The following FGFR2 variants were observed in gnomAD, a reference collection of about 807,000 sequenced individuals.
FGFR2 encodes BEK fibroblast growth factor receptor.
In FGFR2, 19 loss-of-function variants were observed where a neutral mutation model predicts 95.9. The observed-to-expected ratio is 0.20, with a 90% CI of 0.14 to 0.29. The LOEUF is 0.29. Among genes scored for constraint, FGFR2 ranks in the 10% least tolerant of loss-of-function variants. FGFR2 has a pLI of 1.00. For synonymous variants in FGFR2, 392 were observed against 393.3 expected, an observed-to-expected ratio of 1.00 and a Z score of 0.04; for missense variants, 707 against 1,056.9, an observed-to-expected ratio of 0.67 and a Z score of 4.59.
At position 121,590,962 on chromosome 10, in the gene FGFR2, G is replaced by GGCACGCAC. The variant is rs569281100; in HGVS notation, c.109+2739_109+2746dup. 1.5e-3 allele frequency among the ~76,000 whole-genome samples: 226 copies of GGCACGCAC among 152,134 alleles called. 2 individuals carry two copies. In the East Asian group the frequency reaches 0.032, roughly 21 times the overall value. On this transcript the variant is annotated intron_variant, in intron 2 of 17. Transcript: ENST00000358487. ...TGGAGAACTGATGGACAGGGGCACAGGCACGCACGCACGCACGCGCACTCG... is the reference window on the plus strand; with the variant it reads ...TGGAGAACTGATGGACAGGGGCACAGGCACGCACGCACGCACGCACGCACGCGCACTCG...
At position 121,485,754 on chromosome 10, in the gene FGFR2, G is replaced by A. The variant is rs1013444959; in HGVS notation, c.2058-222C>T. 1.3e-5 allele frequency among the ~76,000 whole-genome samples: 2 copies of A among 152,202 alleles called. No individual in the cohort carries two copies. The highest frequency in any genetic ancestry group is 2.9e-5 in the Non-Finnish European group (2 of 68,048). ...GAATTTTCCATCAATAGACAAAAAG[G>A]CAAACTGCCATCACTCTGGAATAGA... On this transcript the variant is annotated intron_variant, in intron 15 of 17. Coordinates refer to ENST00000358487, the MANE Select transcript of FGFR2 (RefSeq NM_000141.5). The surrounding 1 kb of genome is among the most constrained non-coding windows in gnomAD (Gnocchi z 4.2).
chr10:121,577,388 C>T (rs757711441), intron 2 of FGFR2, among the ~76,000 whole-genome samples: 2 of 151,684 alleles, frequency 1.3e-5, no homozygotes, highest in African/African-American at 2.4e-5. Context: ...CCTCACTCCT[C>T]CGCTAAACAG....
intron 4 of FGFR2, 45 bp downstream of exon 4, chr10:121,564,457 C>T (rs2135084732): frequency 6.4e-7 from 1 of 1,560,212 alleles, no homozygotes; most frequent in Non-Finnish European, 8.8e-7. Context: ...GAACTTCCCT[C>T]CATGCTCCTC....
intron 2 of FGFR2, among the ~76,000 whole-genome samples, chr10:121,579,812 T>C (rs1860543124): frequency 6.6e-6 from 1 of 152,126 alleles, no homozygotes. Context: ...TCCACAGAGC[T>C]AAGGGCCTGC....
Position 121,531,484 on chromosome 10 carries a change from GGACTGAC to G in FGFR2, c.748+7101_748+7107del, listed in dbSNP as rs2134478781. Among the ~76,000 whole-genome samples, 1 of 152,284 alleles carries G rather than the reference GGACTGAC, an allele frequency of 6.6e-6. No individual in the cohort carries two copies. The highest frequency in any genetic ancestry group is 6.5e-5 in the Admixed American group (1 of 15,302). The stretch of plus-strand genomic sequence containing the variant: ...AATCTCTATCCTGGAGGAAAGGACA[GGACTGAC>G]CCCTCCTTTCATCAGGATGGGCTCA... On this transcript the variant is annotated intron_variant, in intron 6 of 17. Transcript: ENST00000358487. The surrounding 1 kb of genome is among the most constrained non-coding windows in gnomAD (Gnocchi z 4.5).
At chr10:121,486,118 C>T (rs986595389) in intron 15 of FGFR2, among the ~76,000 whole-genome samples, 3 of 152,210 alleles carry the variant, frequency 2.0e-5, no homozygotes, top group Non-Finnish European at 4.4e-5. Context: ...TTACACTTGA[C>T]TCTTCAGAGA....
Position 121,543,307 on chromosome 10 carries a change from C to G in FGFR2, c.625-4592G>C, listed in dbSNP as rs187853439. ...GGCAGATCATTTGAGGACAGGAGTT[C>G]GAGGCCAGCCTGGCCAACATGGTGA... On this transcript the variant is annotated intron_variant, in intron 5 of 17. Transcript: ENST00000358487. Among the ~76,000 whole-genome samples the G allele has an allele frequency of 2.6e-5, 4 of 152,138 alleles. No homozygotes were observed. The East Asian group carries it at 7.7e-4, about 29-fold the overall frequency.
intron 6 of FGFR2, among the ~76,000 whole-genome samples, chr10:121,532,033 C>T (rs866298417): frequency 5.9e-5 from 9 of 152,184 alleles, no homozygotes; most frequent in Admixed American, 5.2e-4. Flanking sequence ...TGCCCCCCTC[C>T]GGTGAGATTT....
chr10:121,558,300 G>A (rs1856468211), intron 4 of FGFR2, among the ~76,000 whole-genome samples: 1 of 152,160 alleles, frequency 6.6e-6, no homozygotes, highest in Non-Finnish European at 1.5e-5. Flanking sequence ...CCTCAACCTG[G>A]ATGCATTTCA....
intron 2 of FGFR2, among the ~76,000 whole-genome samples, chr10:121,568,670 C>G (rs1858073126): frequency 6.6e-6 from 1 of 151,922 alleles, no homozygotes; most frequent in African/African-American, 2.4e-5. Context: ...AATTGTGATG[C>G]AGAAAAAAAT....
At chr10:121,580,017 C>T (rs556750909) in intron 2 of FGFR2, among the ~76,000 whole-genome samples, 1 of 152,202 alleles carries the variant, frequency 6.6e-6, no homozygotes, top group Admixed American at 6.5e-5. Context: ...CATACTCCAG[C>T]GGATACGTTT....
rs199542453 is a variant in FGFR2 at position 121,551,219 on chromosome 10, C to CA, written c.624+70dup. 9.6e-3 allele frequency: 12,684 copies of CA among 1,326,522 alleles called. 66 individuals carry two copies. Among genetic ancestry groups the CA allele is most frequent in the African/African-American group, 0.05 (3,338 of 66,564 alleles). 82.2% of individuals were successfully genotyped at this position (1,326,522 alleles called of 1,614,324 possible). On this transcript the variant is annotated intron_variant, in intron 5 of 17. Transcript: ENST00000358487. ...TGGGCGACAGAGCGAGACTCCATCGCAAAAAAAAAATGTAAATAAATAAAT... is the reference window on the plus strand; with the variant it reads ...TGGGCGACAGAGCGAGACTCCATCGCAAAAAAAAAAATGTAAATAAATAAAT...
At chr10:121,530,777 T>C (rs563682514) in intron 6 of FGFR2, among the ~76,000 whole-genome samples, 1 of 152,320 alleles carries the variant, frequency 6.6e-6, no homozygotes, top group Non-Finnish European at 1.5e-5. Context: ...TATTAAACTG[T>C]TTTTTGATTA....
intron 5 of FGFR2, among the ~76,000 whole-genome samples, chr10:121,540,433 G>A (rs2134641217): frequency 6.6e-6 from 1 of 152,316 alleles, no homozygotes; most frequent in South Asian, 2.1e-4. Context: ...CATGCAGAAT[G>A]TGTCTTCTGA....
intron 16 of FGFR2, among the ~76,000 whole-genome samples, chr10:121,484,143 A>T (rs1845111076): frequency 6.6e-6 from 1 of 151,654 alleles, no homozygotes; most frequent in South Asian, 2.1e-4. Flanking sequence ...GCGTATTTCC[A>T]TGGGCTGGTC....
intron 13 of FGFR2, among the ~76,000 whole-genome samples, chr10:121,492,357 T>C (rs1280486238): frequency 6.6e-6 from 1 of 152,126 alleles, no homozygotes; most frequent in African/African-American, 2.4e-5. Context: ...ATGGTGTTTT[T>C]TCACTTCTCT....
rs758823814 is a variant in FGFR2, at chr10:121,496,813, T to C, written c.1673-91A>G. On this transcript the variant is annotated intron_variant, in intron 12 of 17. Coordinates refer to ENST00000358487, the MANE Select transcript of FGFR2 (RefSeq NM_000141.5). ...AAACATTTTTAGTTATTACAACCCA[T>C]GCTTTTTTTTTTTTTTTTAAAGTTT... 3.6e-5 allele frequency: 41 copies of C among 1,153,584 alleles called. No individual in the cohort carries two copies. The African/African-American group carries it at 4.7e-4, about 13-fold the overall frequency. The allele number at this position is 1,153,584 out of a possible 1,614,324, so 71.5% of individuals were successfully genotyped here.
intron 2 of FGFR2, among the ~76,000 whole-genome samples, chr10:121,577,172 T>G (rs1260768109): frequency 6.4e-4 from 2 of 3,144 alleles, no homozygotes; most frequent in South Asian, 5.9e-3. Context: ...TATATATATA[T>G]ATATATAGAG....
In FGFR2 at chr10:121,564,542, A is replaced by G; in HGVS notation, c.414T>C (p.Asp138=). The G allele has an allele frequency of 6.2e-7, 1 of 1,614,048 alleles. No individual in the cohort carries two copies. Among genetic ancestry groups the G allele is most frequent in the Non-Finnish European group, 8.5e-7 (1 of 1,180,004 alleles). ...TCTCACTGACAAAATCTTCCGCACC[A>G]TCGGTGTCATCCTCATCATCTCCGG... ...ISSGDDEDDT[D]GAEDFVSENS... Residue 138 remains aspartate (D), a synonymous_variant, in exon 4 of 18, where the codon GAT becomes GAC. Transcript: ENST00000358487.
Sources: gnomAD v4.1 joint callset for allele counts (sites outside exome capture counted in the v4.1 genomes callset) on GRCh38, gnomAD v4.1.1 for gene constraint, Gnocchi (gnomAD v3.1) non-coding constraint, MANE v1.5 for transcripts, NCBI Gene and HGNC (gene_info 2026-07-23, HGNC 2026-07-21) for gene names.